ARHGAP24: variants seen among roughly 807,000 people sequenced by gnomAD.
ARHGAP24 encodes Rho GTPase activating protein 24.
ARHGAP24 carries 50 observed loss-of-function variants against 76.4 expected under a neutral mutation model. The ratio of observed to expected loss-of-function variants is 0.65; its 90% CI spans 0.52 to 0.83. The LOEUF is 0.83. ARHGAP24 is among the 40% of genes least tolerant of loss of function. The probability of loss-of-function intolerance (pLI) is 0.00; values close to 1 mark genes in which losing one functional copy is unlikely to be tolerated. For synonymous variants in ARHGAP24, 345 were observed against 323.3 expected (o/e 1.07, Z -0.72); for missense variants, 930 against 914.2 (o/e 1.02, Z -0.22).
At chr4:85,927,475 G>A (rs182054535) in intron 4 of ARHGAP24, among the ~76,000 whole-genome samples, 54 of 152,194 alleles carry the variant, frequency 3.5e-4, no homozygotes, top group African/African-American at 1.2e-3. Flanking sequence ...TTTTAAACTG[G>A]GGGATTCTAT....
At chr4:85,896,831 G>T (rs928667933) in intron 3 of ARHGAP24, among the ~76,000 whole-genome samples, 3 of 151,978 alleles carry the variant, frequency 2.0e-5, no homozygotes, top group African/African-American at 7.3e-5. Context: ...ATTGGTCTGG[G>T]TTGCTGCTCA....
intron 3 of ARHGAP24, among the ~76,000 whole-genome samples, chr4:85,842,598 C>T (rs1000282743): frequency 2.0e-5 from 3 of 152,110 alleles, no homozygotes; most frequent in African/African-American, 7.2e-5. Flanking sequence ...TTAATTATTC[C>T]GTGGTCATGA....
chr4:85,847,553 G>T (rs1305083570), intron 3 of ARHGAP24, among the ~76,000 whole-genome samples: 1 of 152,156 alleles, frequency 6.6e-6, no homozygotes, highest in Non-Finnish European at 1.5e-5. Context: ...CTTCTTGAAG[G>T]TGAATTTTCA....
intron 1 of ARHGAP24, among the ~76,000 whole-genome samples, chr4:85,487,206 TTA>T (rs1369984134): frequency 2.9e-5 from 4 of 136,062 alleles, no homozygotes; most frequent in African/African-American, 8.2e-5. Context: ...TATATTTATT[TTA>T]TATATATAAA....
intron 2 of ARHGAP24, among the ~76,000 whole-genome samples, chr4:85,581,305 G>A (rs1170619758): frequency 6.6e-6 from 1 of 151,994 alleles, no homozygotes; most frequent in African/African-American, 2.4e-5. Context: ...AAGATTAATA[G>A]AATCAATTCT....
intron 4 of ARHGAP24, among the ~76,000 whole-genome samples, chr4:85,932,821 T>G (rs548842369): frequency 6.6e-6 from 1 of 152,334 alleles, no homozygotes; most frequent in South Asian, 2.1e-4. Flanking sequence ...TGGAGCCCGC[T>G]GCATCCCAGG....
At chr4:85,605,705 A>G (rs1720170878) in intron 2 of ARHGAP24, among the ~76,000 whole-genome samples, 1 of 152,206 alleles carries the variant, frequency 6.6e-6, no homozygotes, top group African/African-American at 2.4e-5. Context: ...GTATCGTGGA[A>G]ATGAAGATAT....
chr4:85,509,389 C>T (rs943909210), intron 1 of ARHGAP24, among the ~76,000 whole-genome samples: 1 of 151,796 alleles, frequency 6.6e-6, no homozygotes, highest in African/African-American at 2.4e-5. Context: ...TGGTTCTTAA[C>T]TGGAAATGTC....
chr4:85,790,235 G>T (rs966125081), intron 3 of ARHGAP24, among the ~76,000 whole-genome samples: 1 of 152,082 alleles, frequency 6.6e-6, no homozygotes, highest in Non-Finnish European at 1.5e-5. Context: ...TTTACTAGCT[G>T]TATTATACCT....
chr4:85,924,259 A>G (rs377135540), intron 4 of ARHGAP24, among the ~76,000 whole-genome samples: 1 of 152,186 alleles, frequency 6.6e-6, no homozygotes, highest in African/African-American at 2.4e-5. Context: ...GGTAAATTTG[A>G]AAGTAAGTTT....
intron 2 of ARHGAP24, among the ~76,000 whole-genome samples, chr4:85,682,769 C>T (rs1483613697): frequency 1.3e-5 from 2 of 152,116 alleles, no homozygotes; most frequent in Non-Finnish European, 2.9e-5. Context: ...ATGAAAACTG[C>T]ATTGATTAGC....
At chr4:85,910,308 G>T (rs2904082) in intron 3 of ARHGAP24, among the ~76,000 whole-genome samples, 1 of 152,038 alleles carries the variant, frequency 6.6e-6, no homozygotes, top group African/African-American at 2.4e-5. Context: ...TGCCTGCAAC[G>T]TGGAGAGCTA....
At chr4:85,770,071 C>G (rs938963621) in intron 3 of ARHGAP24, among the ~76,000 whole-genome samples, 1 of 152,164 alleles carries the variant, frequency 6.6e-6, no homozygotes, top group Non-Finnish European at 1.5e-5. Context: ...TGGCCAATAG[C>G]CCAGCACTGA....
Position 85,721,869 on chromosome 4 carries a change from G to A in ARHGAP24, c.181-16G>A. On this transcript the variant is annotated splice_polypyrimidine_tract_variant and intron_variant, in intron 2 of 9. Coordinates refer to ENST00000395184, the MANE Select transcript of ARHGAP24 (RefSeq NM_001025616.3). ...CTCTCTGATGATGTTGATGTTTTGG[G>A]TATTTGTTTTCACAGGGTACTATTT... 1 of 1,605,056 alleles carries A rather than the reference G, an allele frequency of 6.2e-7. No homozygotes were observed. The highest frequency in any genetic ancestry group is 8.5e-7 in the Non-Finnish European group (1 of 1,172,264).
At chr4:85,962,975 T>A (rs1274151447) in intron 5 of ARHGAP24, among the ~76,000 whole-genome samples, 1 of 151,906 alleles carries the variant, frequency 6.6e-6, no homozygotes, top group Non-Finnish European at 1.5e-5. Context: ...ATGTTTAAAA[T>A]AATTCTACAA....
chr4:85,666,888 G>T (rs1449650199), intron 2 of ARHGAP24, among the ~76,000 whole-genome samples: 4 of 152,144 alleles, frequency 2.6e-5, no homozygotes, highest in African/African-American at 9.7e-5. Context: ...AGCCGTGTGA[G>T]ATGTCAGTCT....
chr4:85,477,381 G>C (rs1722640564), intron 1 of ARHGAP24, among the ~76,000 whole-genome samples: 1 of 152,098 alleles, frequency 6.6e-6, no homozygotes, highest in African/African-American at 2.4e-5. Context: ...ATATAAGCCT[G>C]ATAAGAAGTG....
intron 1 of ARHGAP24, among the ~76,000 whole-genome samples, chr4:85,506,967 T>C (rs2110103054): frequency 6.6e-6 from 1 of 152,212 alleles, no homozygotes; most frequent in Middle Eastern, 3.4e-3. Context: ...ACTGGATATA[T>C]AAACAGCACA....
intron 3 of ARHGAP24, among the ~76,000 whole-genome samples, chr4:85,761,124 T>C (rs917176353): frequency 1.3e-5 from 2 of 152,194 alleles, no homozygotes; most frequent in Admixed American, 6.5e-5. Context: ...CTCAATCTTT[T>C]GTGGTGGTGC....
Sources: gnomAD v4.1 joint callset for allele counts (sites outside exome capture counted in the v4.1 genomes callset) on GRCh38, gnomAD v4.1.1 for gene constraint, MANE v1.5 for transcripts, NCBI Gene and HGNC (gene_info 2026-07-23, HGNC 2026-07-21) for gene names.